Variants in GSK3B observed in about 807,000 individuals in gnomAD.
The protein encoded by GSK3B is glycogen synthase kinase-3 beta.
Under a neutral mutation model 56.4 loss-of-function variants are expected in GSK3B, and 15 were observed. The observed-to-expected ratio is 0.27, with a 90% CI of 0.18 to 0.41. The LOEUF (loss-of-function observed/expected upper bound fraction) is 0.41. GSK3B is among the 10% of genes least tolerant of loss of function. The probability of loss-of-function intolerance (pLI) is 1.00; values close to 1 mark genes in which losing one functional copy is unlikely to be tolerated. For missense variants in GSK3B, 300 were observed against 513.4 expected, an observed-to-expected ratio of 0.58 and a Z score of 4.02; for synonymous variants, 181 against 188.9, an observed-to-expected ratio of 0.96 and a Z score of 0.34.
intron 2 of GSK3B, among the ~76,000 whole-genome samples, chr3:119,969,849 C>G (rs1416529276): frequency 6.6e-6 from 1 of 152,154 alleles, no homozygotes; most frequent in Non-Finnish European, 1.5e-5. Flanking sequence ...ATGGAAAATT[C>G]CAGGAATAAT....
At chr3:119,963,959 C>T (rs1016580987) in intron 2 of GSK3B, among the ~76,000 whole-genome samples, 6 of 152,018 alleles carry the variant, frequency 3.9e-5, no homozygotes, top group Admixed American at 3.9e-4. Context: ...CTGTTCTTGT[C>T]AATAATTTCT....
At chr3:120,020,916 G>T (rs960361584) in intron 1 of GSK3B, among the ~76,000 whole-genome samples, 1 of 152,186 alleles carries the variant, frequency 6.6e-6, no homozygotes, top group Non-Finnish European at 1.5e-5. Context: ...TTGCTGATAC[G>T]GAGAAAGTCT....
At chr3:119,974,569 C>A (rs181564938) in intron 2 of GSK3B, among the ~76,000 whole-genome samples, 7 of 152,334 alleles carry the variant, frequency 4.6e-5, no homozygotes, top group Admixed American at 2.6e-4. Flanking sequence ...TGATCTTACA[C>A]TTCCCTAGTC....
intron 10 of GSK3B, among the ~76,000 whole-genome samples, chr3:119,830,545 C>T (rs544380787): frequency 6.6e-6 from 1 of 152,226 alleles, no homozygotes; most frequent in South Asian, 2.1e-4. Context: ...ATTCCCTTCC[C>T]GTTACATATG....
At chr3:120,068,390 CAAAAAA>C (rs66541739) in intron 1 of GSK3B, among the ~76,000 whole-genome samples, 1 of 51,612 alleles carries the variant, frequency 1.9e-5, no homozygotes, top group African/African-American at 7.7e-5. Context: ...GACTCCGTCT[CAAAAAA>C]AAAAAAAAAA....
chr3:119,852,352 AT>A (rs60941551), intron 9 of GSK3B, among the ~76,000 whole-genome samples: 1,750 of 144,998 alleles, frequency 0.012, 20 homozygotes, highest in African/African-American at 0.036. Flanking sequence ...TCAGAACTCT[AT>A]TTTTTTTTTT....
At chr3:120,069,579 T>G (rs1378781737) in intron 1 of GSK3B, among the ~76,000 whole-genome samples, 1 of 152,088 alleles carries the variant, frequency 6.6e-6, no homozygotes, top group Non-Finnish European at 1.5e-5. Flanking sequence ...TCCATCATAT[T>G]TGAACATTTT....
At position 119,843,269 on chromosome 3, in the gene GSK3B, G is replaced by C. The variant is rs549169441; in HGVS notation, c.1181C>G (p.Ala394Gly). 3 of 1,605,952 alleles carry C rather than the reference G, an allele frequency of 1.9e-6. No individual in the cohort carries two copies. The East Asian group carries it at 6.7e-5, about 36-fold the overall frequency. The change falls in exon 10 of 11, where the codon GCC becomes GGC. Residue 394 changes from alanine (A) to glycine (G), a missense_variant. Physicochemically the swap from Ala to Gly is moderately conservative, Grantham distance 60 (BLOSUM62 0). This residue lies in a region of GSK3B where 88 missense variants were observed against 92.7 expected (regional missense o/e 0.95). Coordinates refer to ENST00000264235, the MANE Select transcript of GSK3B (RefSeq NM_001146156.2). ...IQAAASTPTN[A>G]TAASDANTGD... ...AACGTTCTTACCTGACGCTGCTGTG[G>C]CATTTGTGGGGGTTGAAGCAGCTGC...
chr3:119,978,702 C>T (rs192450203), intron 2 of GSK3B, among the ~76,000 whole-genome samples: 7 of 152,140 alleles, frequency 4.6e-5, no homozygotes, highest in East Asian at 3.9e-4. Flanking sequence ...CTCCCTCGTG[C>T]GGCTGCAGTC....
Position 119,978,066 on chromosome 3 carries a change from A to G in GSK3B, c.282+23980T>C, listed in dbSNP as rs964987650. Among the ~76,000 whole-genome samples the G allele has an allele frequency of 2.6e-5, 4 of 152,164 alleles. No individual in the cohort carries two copies. The East Asian group carries it at 7.7e-4, about 29-fold the overall frequency. The stretch of plus-strand genomic sequence containing the variant: ...CAGATGACAGAGCAGGAACATCACC[A>G]TCTTGAACAAGCCCCTCATTCTAAA... On this transcript the variant is annotated intron_variant, in intron 2 of 10. Transcript: ENST00000264235.
At chr3:119,902,058 T>C (rs1160519909) in intron 7 of GSK3B, among the ~76,000 whole-genome samples, 1 of 152,140 alleles carries the variant, frequency 6.6e-6, no homozygotes, top group East Asian at 1.9e-4. Context: ...TGCATGACTA[T>C]TACCTTAAAA....
chr3:120,029,303 G>T, intron 1 of GSK3B: 1 of 742,910 alleles, frequency 1.3e-6, no homozygotes, highest in Non-Finnish European at 2.5e-6. Flanking sequence ...CTTCTCTGCA[G>T]CGGACAATGA....
At chr3:119,876,784 A>C (rs2056319793) in intron 7 of GSK3B, among the ~76,000 whole-genome samples, 2 of 152,142 alleles carry the variant, frequency 1.3e-5, no homozygotes, top group African/African-American at 4.8e-5. Flanking sequence ...TTAAAGTGGA[A>C]GCAGGATTGT....
chr3:119,958,436 G>A (rs1425089982), intron 2 of GSK3B, among the ~76,000 whole-genome samples: 2 of 152,072 alleles, frequency 1.3e-5, no homozygotes, highest in Admixed American at 1.3e-4. Context: ...CAGCACTTTG[G>A]GAGGCTAAGG....
chr3:120,091,148 C>G (rs372124396), intron 1 of GSK3B, among the ~76,000 whole-genome samples: 14 of 152,218 alleles, frequency 9.2e-5, no homozygotes, highest in African/African-American at 3.4e-4. Context: ...GCAGTCATCA[C>G]GCTATTGTTT....
chr3:120,040,334 C>T (rs2058055309), intron 1 of GSK3B, among the ~76,000 whole-genome samples: 1 of 152,158 alleles, frequency 6.6e-6, no homozygotes, highest in Non-Finnish European at 1.5e-5. Context: ...GGAGTTTATA[C>T]TGACCCGCCA....
intron 9 of GSK3B, 61 bp downstream of exon 9, chr3:119,863,358 A>T: frequency 7.6e-7 from 1 of 1,310,714 alleles, no homozygotes; most frequent in Admixed American, 1.7e-5. Context: ...ATAGAATGTC[A>T]TTTCACACCC....
chr3:119,916,285 G>A, intron 4 of GSK3B, 111 bp from the exon 5 acceptor site: 1 of 805,792 alleles, frequency 1.2e-6, no homozygotes, highest in South Asian at 1.9e-5. Context: ...GAAATGCTAT[G>A]GATTACTGGC....
chr3:119,963,353 T>C (rs1315726419), intron 2 of GSK3B, among the ~76,000 whole-genome samples: 3 of 151,834 alleles, frequency 2.0e-5, no homozygotes, highest in Non-Finnish European at 2.9e-5. Context: ...AAAATTTACA[T>C]AGAATCACAA....
Sources: gnomAD v4.1 joint callset for allele counts (sites outside exome capture counted in the v4.1 genomes callset) on GRCh38, gnomAD v4.1.1 for gene constraint, gnomAD v4.1.1 regional missense constraint, MANE v1.5 for transcripts, NCBI Gene and HGNC (gene_info 2026-07-23, HGNC 2026-07-21) for gene names.